DPRX: variants seen among roughly 807,000 people sequenced by gnomAD.
DPRX encodes divergent-paired related homeobox, also known as divergent paired-related homeobox.
DPRX carries 11 observed loss-of-function variants against 8.4 expected under a neutral mutation model. That is an observed-to-expected ratio of 1.31 (90% CI 0.82 to 2.17). DPRX has a LOEUF of 2.17. DPRX is among the 30% of genes most tolerant of loss of function. The probability of loss-of-function intolerance (pLI) is 0.00; values close to 1 mark genes in which losing one functional copy is unlikely to be tolerated. For synonymous variants in DPRX, 72 were observed against 87.0 expected, an observed-to-expected ratio of 0.83 and a Z score of 0.96; for missense variants, 211 against 236.7, an observed-to-expected ratio of 0.89 and a Z score of 0.71.
At chr19:53,633,044 C>T (rs1600570980) in intron 1 of DPRX, among the ~76,000 whole-genome samples, 1 of 152,036 alleles carries the variant, frequency 6.6e-6, no homozygotes, top group African/African-American at 2.4e-5. Flanking sequence ...GCCTGTAATC[C>T]CAGCACTTTG....
the DPRX span, among the ~76,000 whole-genome samples, chr19:53,602,800 C>T: frequency 6.6e-6 from 1 of 151,680 alleles, no homozygotes; most frequent in African/African-American, 2.4e-5. Context: ...CCCGGCCTCC[C>T]AGAGTGCTGG....
At chr19:53,626,468 C>A in the DPRX span, among the ~76,000 whole-genome samples, 2 of 152,142 alleles carry the variant, frequency 1.3e-5, no homozygotes, top group African/African-American at 4.8e-5. Flanking sequence ...GGAGGCTGAT[C>A]GCTTGAGCCC....
At chr19:53,607,212 C>T in the DPRX span, 1 of 152,556 alleles carries the variant, frequency 6.6e-6, no homozygotes, top group East Asian at 1.9e-4. Flanking sequence ...CAGATTCCCC[C>T]TATTCCCACA....
At chr19:53,623,918 C>A in the DPRX span, among the ~76,000 whole-genome samples, 1 of 151,512 alleles carries the variant, frequency 6.6e-6, no homozygotes, top group African/African-American at 2.4e-5. Flanking sequence ...CCATTGCACT[C>A]CAGCCAGGGC....
At chr19:53,631,826 C>T (rs2091093837), upstream of DPRX, among the ~76,000 whole-genome samples, 1 of 152,018 alleles carries the variant, frequency 6.6e-6, no homozygotes, top group Admixed American at 6.6e-5. Context: ...GGCCAGGATT[C>T]TGCATTTTAA....
chr19:53,621,428 C>T, the DPRX span, among the ~76,000 whole-genome samples: 1 of 152,114 alleles, frequency 6.6e-6, no homozygotes, highest in Non-Finnish European at 1.5e-5. Context: ...CCACTGCACC[C>T]AGCCTCATTT....
the DPRX span, among the ~76,000 whole-genome samples, chr19:53,616,639 G>A: frequency 2.0e-5 from 3 of 152,040 alleles, no homozygotes; most frequent in South Asian, 4.1e-4. Flanking sequence ...CTGTAATTCC[G>A]GCTACTTGGG....
In DPRX at chr19:53,633,497, GTATTTATT is replaced by G. The variant is rs528878817; in HGVS notation, c.29-1017_29-1010del. On this transcript the variant is annotated intron_variant, in intron 1 of 2. Transcript: ENST00000376650. ...AAGGCACAAGCGATCCCTTATTTACGTATTTATTTATTTATTTATTTATTATTTTCTTG... is the reference window on the plus strand; with the variant it reads ...AAGGCACAAGCGATCCCTTATTTACGTATTTATTTATTTATTATTTTCTTG... 6.3e-3 allele frequency among the ~76,000 whole-genome samples: 961 copies of G among 151,838 alleles called. 4 individuals carry two copies. Among genetic ancestry groups the G allele is most frequent in the South Asian group, 0.024 (115 of 4,814 alleles).
chr19:53,601,749 T>C, the DPRX span, among the ~76,000 whole-genome samples: 1 of 152,130 alleles, frequency 6.6e-6, no homozygotes, highest in Non-Finnish European at 1.5e-5. Flanking sequence ...CCCAAAGTGC[T>C]GGGATTACAG....
chr19:53,605,774 C>T, the DPRX span, among the ~76,000 whole-genome samples: 1 of 152,102 alleles, frequency 6.6e-6, no homozygotes, highest in Non-Finnish European at 1.5e-5. Flanking sequence ...AAGCAATCCT[C>T]CCACTTGAGC....
At chr19:53,629,455 A>G (rs759537469), upstream of DPRX, among the ~76,000 whole-genome samples, 2 of 151,562 alleles carry the variant, frequency 1.3e-5, no homozygotes, top group African/African-American at 2.4e-5. Context: ...TTAGTTTTTG[A>G]AAAGCTGGTC....
At chr19:53,609,489 A>C in the DPRX span, among the ~76,000 whole-genome samples, 384 of 149,638 alleles carry the variant, frequency 2.6e-3, 11 homozygotes, top group Non-Finnish European at 3.0e-3. Context: ...AAAAAAAAAA[A>C]AAAAAAAACA....
At chr19:53,603,037 G>A in the DPRX span, among the ~76,000 whole-genome samples, 31,951 of 149,218 alleles carry the variant, frequency 0.21, 3,503 homozygotes, top group South Asian at 0.31. Context: ...GTGTGTGTGT[G>A]TATATATATA....
chr19:53,620,984 A>T, the DPRX span, among the ~76,000 whole-genome samples: 1 of 152,168 alleles, frequency 6.6e-6, no homozygotes, highest in African/African-American at 2.4e-5. Context: ...ATGAGGTGAG[A>T]GTATGGTAGA....
the DPRX span, among the ~76,000 whole-genome samples, chr19:53,619,955 TATC>T: frequency 3.3e-5 from 5 of 152,188 alleles, no homozygotes; most frequent in East Asian, 9.7e-4. Flanking sequence ...CGCTTCCTCT[TATC>T]ATCCCCTGCC....
intron 1 of DPRX, among the ~76,000 whole-genome samples, chr19:53,633,654 C>T (rs1309953345): frequency 1.2e-4 from 18 of 152,054 alleles, no homozygotes; most frequent in Admixed American, 1.0e-3. Flanking sequence ...GGACTACAGG[C>T]GTGCACCATC....
chr19:53,607,594 GT>G, the DPRX span, among the ~76,000 whole-genome samples: 1 of 150,762 alleles, frequency 6.6e-6, no homozygotes, highest in African/African-American at 2.4e-5. Flanking sequence ...GTTCACACCT[GT>G]AATCCCAGCA....
At chr19:53,604,080 A>G in the DPRX span, among the ~76,000 whole-genome samples, 1 of 152,036 alleles carries the variant, frequency 6.6e-6, no homozygotes, top group African/African-American at 2.4e-5. Flanking sequence ...TGCAGCTTCA[A>G]GTAGCGGCAT....
upstream of DPRX, among the ~76,000 whole-genome samples, chr19:53,629,543 A>G (rs1158826095): frequency 1.6e-5 from 2 of 124,358 alleles, no homozygotes; most frequent in South Asian, 2.8e-4. Context: ...TGTCCGGCCT[A>G]TGATTTTTTT....
Sources: gnomAD v4.1 joint callset for allele counts (sites outside exome capture counted in the v4.1 genomes callset) on GRCh38, gnomAD v4.1.1 for gene constraint, MANE v1.5 for transcripts, NCBI Gene and HGNC (gene_info 2026-07-23, HGNC 2026-07-21) for gene names.